MAST2: variants seen among roughly 807,000 people sequenced by gnomAD.
MAST2 encodes microtubule associated serine/threonine kinase 2.
MAST2 carries 70 observed loss-of-function variants against 147.4 expected under a neutral mutation model. The observed-to-expected ratio is 0.47, with a 90% CI of 0.39 to 0.58. MAST2 has a LOEUF of 0.58. MAST2 is among the 20% of genes least tolerant of loss of function. The pLI is 0.00. For synonymous variants in MAST2, 869 were observed against 896.8 expected (o/e 0.97, Z 0.55); for missense variants, 2,080 against 2,302.3 (o/e 0.90, Z 1.98).
At chr1:45,890,378 A>G (rs1647547633) in intron 4 of MAST2, among the ~76,000 whole-genome samples, 1 of 152,246 alleles carries the variant, frequency 6.6e-6, no homozygotes, top group Admixed American at 6.5e-5. Context: ...GAAGGTGACA[A>G]CATGCTAAGT....
chr1:45,860,201 T>TACACACACACACACAC (rs777498021), intron 3 of MAST2, among the ~76,000 whole-genome samples: 1 of 144,034 alleles, frequency 6.9e-6, no homozygotes, highest in Admixed American at 7.0e-5. Flanking sequence ...CTACTAAAAA[T>TACACACACACACACAC]ACACACACAC....
chr1:45,909,597 A>G (rs1651343875), intron 4 of MAST2, among the ~76,000 whole-genome samples: 1 of 150,360 alleles, frequency 6.7e-6, no homozygotes, highest in Non-Finnish European at 1.5e-5. Flanking sequence ...AATTCACTGC[A>G]ACCTCCCCCT....
chr1:45,909,245 G>C (rs950199187), intron 4 of MAST2, among the ~76,000 whole-genome samples: 2 of 151,930 alleles, frequency 1.3e-5, no homozygotes, highest in Non-Finnish European at 2.9e-5. Flanking sequence ...AAAAAAGTTA[G>C]GTATCTTTTT....
chr1:45,858,492 C>T (rs963016249), intron 3 of MAST2, among the ~76,000 whole-genome samples: 30 of 151,346 alleles, frequency 2.0e-4, no homozygotes, highest in African/African-American at 7.0e-4. Context: ...TGTTTGAGTT[C>T]TTTGTAGATT....
intron 4 of MAST2, among the ~76,000 whole-genome samples, chr1:45,928,811 T>G (rs1338554027): frequency 6.6e-6 from 1 of 152,040 alleles, no homozygotes; most frequent in African/African-American, 2.4e-5. Context: ...CAAAGTTTAT[T>G]TTAATCTAGG....
Position 45,824,519 on chromosome 1 carries a change from G to A in MAST2, c.264G>A (p.Gln88=). The A allele has an allele frequency of 6.2e-7, 1 of 1,611,914 alleles. No homozygotes were observed. Among genetic ancestry groups the A allele is most frequent in the Non-Finnish European group, 8.5e-7 (1 of 1,178,734 alleles). ...IFSSTGKVKL[Q]RQLSQDDCKL... ...CATCCACTGGAAAAGTTAAACTTCA[G>A]CGACAACTGAGTCAGGATGATTGTA... The change falls in exon 2 of 29, where the codon CAG becomes CAA. Residue 88 remains glutamine (Q), a synonymous_variant. Transcript: ENST00000361297.
chr1:46,004,301 T>C lies in MAST2; in HGVS notation c.747+1418T>C, dbSNP rs186695768. Among the ~76,000 whole-genome samples, 123 of 144,434 alleles carry C rather than the reference T, an allele frequency of 8.5e-4. 1 individual carries two copies. The highest frequency in any genetic ancestry group is 3.0e-3 in the African/African-American group (116 of 38,538). 94.8% of individuals were successfully genotyped at this position (144,434 alleles called of 152,430 possible). ...ATCGCTTGAACCCAGGAGGCGGAGATTGCCATGAGCCGAGATCACACCACT... is the reference window on the plus strand; with the variant it reads ...ATCGCTTGAACCCAGGAGGCGGAGACTGCCATGAGCCGAGATCACACCACT... On this transcript the variant is annotated intron_variant, in intron 7 of 28. Transcript: ENST00000361297.
chr1:45,873,237 A>G (rs1646472049), intron 3 of MAST2, among the ~76,000 whole-genome samples: 1 of 149,768 alleles, frequency 6.7e-6, no homozygotes. Context: ...TCTGTCACCC[A>G]GGCTGGAGTC....
chr1:45,892,445 C>T (rs1647972284), intron 4 of MAST2, among the ~76,000 whole-genome samples: 1 of 152,196 alleles, frequency 6.6e-6, no homozygotes, highest in Non-Finnish European at 1.5e-5. Flanking sequence ...ATAATCATTT[C>T]TTATAGTTCA....
intron 4 of MAST2, among the ~76,000 whole-genome samples, chr1:45,898,265 C>T (rs542531411): frequency 1.3e-5 from 2 of 152,300 alleles, no homozygotes; most frequent in South Asian, 2.1e-4. Context: ...GAGAAAAAGT[C>T]CCACGTTAAG....
intron 4 of MAST2, among the ~76,000 whole-genome samples, chr1:45,948,310 C>A (rs1040178150): frequency 3.3e-5 from 5 of 152,144 alleles, no homozygotes; most frequent in African/African-American, 1.2e-4. Context: ...GAATCAATAT[C>A]ATTAAAATGA....
At chr1:45,856,560 C>T (rs1645796795) in intron 3 of MAST2, among the ~76,000 whole-genome samples, 1 of 152,062 alleles carries the variant, frequency 6.6e-6, no homozygotes, top group Non-Finnish European at 1.5e-5. Context: ...ACACTTTATT[C>T]TTTGAGTGTT....
intron 1 of MAST2, among the ~76,000 whole-genome samples, chr1:45,822,912 A>G (rs1215024202): frequency 1.3e-5 from 2 of 152,096 alleles, no homozygotes. Context: ...ATTAAGTTCT[A>G]TTTCCTGTTC....
At chr1:45,879,389 A>C (rs1646742819) in intron 3 of MAST2, among the ~76,000 whole-genome samples, 1 of 152,038 alleles carries the variant, frequency 6.6e-6, no homozygotes, top group African/African-American at 2.4e-5. Context: ...CTTGACCAAT[A>C]TGGTGAAAAC....
intron 3 of MAST2, among the ~76,000 whole-genome samples, chr1:45,838,091 A>G (rs1645159096): frequency 6.6e-6 from 1 of 151,544 alleles, no homozygotes; most frequent in African/African-American, 2.4e-5. Flanking sequence ...CATTTTTTAA[A>G]TTTTAGCCAT....
chr1:45,999,319 A>G (rs970481017), intron 6 of MAST2, among the ~76,000 whole-genome samples: 9 of 152,180 alleles, frequency 5.9e-5, no homozygotes, highest in Admixed American at 5.2e-4. Context: ...TCCAGATAAG[A>G]TCACTTACAG....
chr1:45,818,801 C>T (rs539344231), intron 1 of MAST2, among the ~76,000 whole-genome samples: 27 of 152,260 alleles, frequency 1.8e-4, no homozygotes, highest in South Asian at 6.2e-4. Context: ...CTTTGCTTTA[C>T]GACCCATTTT....
In MAST2 at chr1:46,034,082, G is replaced by T; in HGVS notation, c.3684G>T (p.Arg1228Ser). 1 of 1,613,226 alleles carries T rather than the reference G, an allele frequency of 6.2e-7. No individual in the cohort carries two copies. The highest frequency in any genetic ancestry group is 1.1e-5 in the South Asian group (1 of 90,948). ...RGKDGQESRK[R>S]SSLFRKITKQ... ...ACCCTTATCCCCGCAGCAGAAAAAG[G>T]AGCTCCCTGTTCCGCAAGATCACCA... The change falls in exon 28 of 29, where the codon AGG becomes AGT. Residue 1228 changes from arginine to serine, a missense_variant. Transcript: ENST00000361297.
At chr1:46,016,393 C>T (rs1028426619) in intron 10 of MAST2, among the ~76,000 whole-genome samples, 1 of 152,006 alleles carries the variant, frequency 6.6e-6, no homozygotes, top group African/African-American at 2.4e-5. Flanking sequence ...GTCAAATTGT[C>T]CCTGTTTCCA....
Sources: allele counts gnomAD v4.1 joint callset (sites outside exome capture counted in the v4.1 genomes callset), GRCh38; gene constraint gnomAD v4.1.1; transcripts MANE v1.5; gene names NCBI Gene and HGNC (gene_info 2026-07-23, HGNC 2026-07-21).